The following FABP7 variants were observed in gnomAD, a reference collection of about 807,000 sequenced individuals.
FABP7 encodes fatty acid-binding protein, brain.
Under a neutral mutation model 14.2 loss-of-function variants are expected in FABP7, and 13 were observed. The observed-to-expected ratio is 0.91, with a 90% CI of 0.59 to 1.45. The LOEUF (loss-of-function observed/expected upper bound fraction) is 1.45, where lower values mean the gene tolerates loss of function less well. Among genes scored for constraint, FABP7 ranks in the 40% most tolerant of loss-of-function variants. The pLI is 0.00. For missense variants in FABP7, 149 were observed against 157.6 expected, an observed-to-expected ratio of 0.95 and a Z score of 0.29; for synonymous variants, 49 against 51.4, an observed-to-expected ratio of 0.95 and a Z score of 0.20.
the FABP7 span, among the ~76,000 whole-genome samples, chr6:122,762,778 A>G: frequency 6.6e-6 from 1 of 152,134 alleles, no homozygotes; most frequent in Non-Finnish European, 1.5e-5. Flanking sequence ...TCATGAGTGA[A>G]CTCCCATTCA....
the FABP7 span, among the ~76,000 whole-genome samples, chr6:122,772,582 C>T: frequency 4.3e-4 from 66 of 152,206 alleles, no homozygotes; most frequent in African/African-American, 1.6e-3. Flanking sequence ...CACATCCCAG[C>T]TAATTTTTGT....
intron 3 of FABP7, chr6:122,782,108 T>C: frequency 1.0e-6 from 1 of 985,232 alleles, no homozygotes; most frequent in African/African-American, 1.7e-5. Flanking sequence ...GAATGCATAA[T>C]ATGCCTTTTA....
chr6:122,760,473 G>T, the FABP7 span, among the ~76,000 whole-genome samples: 1 of 149,524 alleles, frequency 6.7e-6, no homozygotes, highest in African/African-American at 2.4e-5. Flanking sequence ...GGGGCCTGTT[G>T]TTGTTTTTTT....
the FABP7 span, among the ~76,000 whole-genome samples, chr6:122,759,253 C>T: frequency 2.6e-5 from 4 of 152,072 alleles, no homozygotes; most frequent in African/African-American, 4.8e-5. Flanking sequence ...AAACTGTTCT[C>T]GGTATTTGGC....
chr6:122,751,180 T>C, the FABP7 span, among the ~76,000 whole-genome samples: 1 of 152,248 alleles, frequency 6.6e-6, no homozygotes, highest in Non-Finnish European at 1.5e-5. Flanking sequence ...TTCAGAATTT[T>C]TATTCTTAAC....
the FABP7 span, among the ~76,000 whole-genome samples, chr6:122,763,286 G>A: frequency 9.2e-5 from 14 of 152,232 alleles, no homozygotes; most frequent in South Asian, 2.9e-3. Context: ...CAAGAAATGG[G>A]GAAAGGATTC....
chr6:122,767,946 G>A, the FABP7 span, among the ~76,000 whole-genome samples: 1 of 151,996 alleles, frequency 6.6e-6, no homozygotes, highest in African/African-American at 2.4e-5. Context: ...CTACTTTAAA[G>A]AAAGTGAAAG....
At chr6:122,776,919 A>C (rs561210564), upstream of FABP7, among the ~76,000 whole-genome samples, 8 of 152,296 alleles carry the variant, frequency 5.3e-5, no homozygotes, top group African/African-American at 1.7e-4. Flanking sequence ...ATATGCAACC[A>C]AAAAAACCTG....
chr6:122,783,190 C>A, intron 3 of FABP7: 1 of 985,384 alleles, frequency 1.0e-6, no homozygotes, highest in Non-Finnish European at 1.2e-6. Context: ...ATCCACCTAC[C>A]TACCTGCGTT....
the FABP7 span, among the ~76,000 whole-genome samples, chr6:122,751,425 C>G: frequency 6.6e-6 from 1 of 152,194 alleles, no homozygotes; most frequent in Non-Finnish European, 1.5e-5. Context: ...GTGGGTGCAT[C>G]TTGTCCTCAA....
the FABP7 span, among the ~76,000 whole-genome samples, chr6:122,767,749 TAAAAGGAA>T: frequency 6.3e-5 from 3 of 47,570 alleles, no homozygotes; most frequent in Admixed American, 4.6e-4. Context: ...TGTTCTCCAC[TAAAAGGAA>T]AAAAAAAAAA....
chr6:122,782,347 C>T (rs1275895143), intron 3 of FABP7: 12 of 501,384 alleles, frequency 2.4e-5, no homozygotes, highest in Non-Finnish European at 3.1e-5. Flanking sequence ...CTGCGGGCCC[C>T]CTCCCTTGCT....
the FABP7 span, among the ~76,000 whole-genome samples, chr6:122,766,499 G>A: frequency 1.3e-5 from 2 of 152,010 alleles, no homozygotes; most frequent in East Asian, 3.9e-4. Flanking sequence ...GGAGGCAGAT[G>A]GTAGAGTAGA....
intron 3 of FABP7, 189 bp downstream of exon 3, chr6:122,781,383 T>A: frequency 6.9e-7 from 1 of 1,444,404 alleles, no homozygotes; most frequent in African/African-American, 1.4e-5. Context: ...TTAATTTTCT[T>A]CTTCAGCTCA....
At position 122,780,405 on chromosome 6, in the gene FABP7, T is replaced by C; in HGVS notation, c.188T>C (p.Ile63Thr). The stretch of plus-strand genomic sequence containing the variant: ...CTCAGCACATTCAAGAACACGGAGA[T>C]TAGTTTCCAGCTGGGAGAAGAGTTT... ...RTLSTFKNTEISFQLGEEFDE... is the reference protein window; with the variant it reads ...RTLSTFKNTETSFQLGEEFDE... Residue 63 changes from isoleucine to threonine, a missense_variant, in exon 2 of 4, where the codon ATT becomes ACT. Ile to Thr is a moderately conservative substitution (Grantham distance 89, BLOSUM62 -1). Coordinates refer to ENST00000368444, the MANE Select transcript of FABP7 (RefSeq NM_001446.5). 6.2e-7 allele frequency: 1 copy of C among 1,614,000 alleles called. No individual in the cohort carries two copies. The highest frequency in any genetic ancestry group is 8.5e-7 in the Non-Finnish European group (1 of 1,180,002).
chr6:122,754,812 T>C, the FABP7 span, among the ~76,000 whole-genome samples: 119 of 152,116 alleles, frequency 7.8e-4, no homozygotes, highest in Middle Eastern at 0.01. Context: ...ACCTATCTCT[T>C]AAACTCAGCA....
the FABP7 span, among the ~76,000 whole-genome samples, chr6:122,762,647 G>A: frequency 3.8e-4 from 58 of 152,292 alleles, no homozygotes; most frequent in Admixed American, 1.7e-3. Flanking sequence ...AAACCCCATC[G>A]TCTCAGCCCA....
the FABP7 span, among the ~76,000 whole-genome samples, chr6:122,762,739 C>T: frequency 1.3e-5 from 2 of 152,164 alleles, no homozygotes; most frequent in African/African-American, 4.8e-5. Context: ...CATTTCTATA[C>T]ACAAATAACA....
the FABP7 span, among the ~76,000 whole-genome samples, chr6:122,765,857 G>T: frequency 1.3e-5 from 2 of 151,360 alleles, no homozygotes; most frequent in African/African-American, 4.9e-5. Flanking sequence ...TTTTTGCTTT[G>T]ATCATTTTCT....
Sources: gnomAD v4.1 joint callset for allele counts (sites outside exome capture counted in the v4.1 genomes callset) on GRCh38, gnomAD v4.1.1 for gene constraint, MANE v1.5 for transcripts, NCBI Gene and HGNC (gene_info 2026-07-23, HGNC 2026-07-21) for gene names.